MAP4K3: variants seen among roughly 807,000 people sequenced by gnomAD.
MAP4K3 encodes MAPK/ERK kinase kinase kinase 3.
MAP4K3 carries 94 observed loss-of-function variants against 143.5 expected under a neutral mutation model. That is an observed-to-expected ratio of 0.65 (90% CI 0.55 to 0.78). The LOEUF (loss-of-function observed/expected upper bound fraction) is 0.78, where lower values mean the gene tolerates loss of function less well. Among genes scored for constraint, MAP4K3 ranks in the 30% least tolerant of loss-of-function variants. The pLI is 0.00. For synonymous variants in MAP4K3, 416 were observed against 347.2 expected (o/e 1.20, Z -2.20); for missense variants, 1,077 against 1,068.1 (o/e 1.01, Z -0.12).
intron 1 of MAP4K3, among the ~76,000 whole-genome samples, chr2:39,434,686 G>A (rs188463675): frequency 6.6e-6 from 1 of 152,312 alleles, no homozygotes. Flanking sequence ...TCCCTAATTG[G>A]TTCAAATTTT....
At chr2:39,414,864 G>A (rs1667328831) in intron 1 of MAP4K3, among the ~76,000 whole-genome samples, 2 of 150,742 alleles carry the variant, frequency 1.3e-5, no homozygotes, top group Admixed American at 6.6e-5. Flanking sequence ...GCAACACAGT[G>A]AGACTCCAAC....
chr2:39,290,207 G>A (rs752052188), intron 19 of MAP4K3, 85 bp downstream of exon 19: 46 of 941,812 alleles, frequency 4.9e-5, no homozygotes, highest in Non-Finnish European at 6.5e-5. Flanking sequence ...GATCACAAAT[G>A]AAAAGCTAGA....
intron 14 of MAP4K3, 63 bp downstream of exon 14, chr2:39,309,398 T>C (rs1484946529): frequency 1.5e-6 from 2 of 1,301,090 alleles, no homozygotes; most frequent in Non-Finnish European, 2.2e-6. Flanking sequence ...TACTAATACA[T>C]CACACAAAAA....
At chr2:39,308,756 A>T (rs1573128057) in intron 14 of MAP4K3, among the ~76,000 whole-genome samples, 2 of 152,228 alleles carry the variant, frequency 1.3e-5, no homozygotes, top group East Asian at 3.9e-4. Flanking sequence ...TATATAAAAC[A>T]ACAACAAAAG....
chr2:39,353,154 A>C (rs1035477166), intron 3 of MAP4K3, among the ~76,000 whole-genome samples: 2 of 152,242 alleles, frequency 1.3e-5, no homozygotes, highest in East Asian at 3.8e-4. Flanking sequence ...TGGATAGACT[A>C]AGTAAGTCAT....
intron 2 of MAP4K3, among the ~76,000 whole-genome samples, chr2:39,365,825 A>G (rs1190969594): frequency 1.3e-5 from 2 of 152,304 alleles, no homozygotes; most frequent in Non-Finnish European, 2.9e-5. Flanking sequence ...TTCTCATGCC[A>G]TTGTTATGGG....
chr2:39,411,759 T>C (rs1301963271), intron 1 of MAP4K3, among the ~76,000 whole-genome samples: 2 of 152,096 alleles, frequency 1.3e-5, no homozygotes, highest in Non-Finnish European at 2.9e-5. Flanking sequence ...CTGTTAGCAA[T>C]GAAAAAAATG....
intron 15 of MAP4K3, among the ~76,000 whole-genome samples, chr2:39,301,664 G>C (rs1023513973): frequency 3.3e-5 from 5 of 152,120 alleles, no homozygotes; most frequent in Non-Finnish European, 5.9e-5. Flanking sequence ...TATAAGACAA[G>C]TAAAAGGCTG....
intron 1 of MAP4K3, 199 bp downstream of exon 1, chr2:39,436,693 G>A: frequency 1.7e-6 from 1 of 584,340 alleles, no homozygotes; most frequent in Non-Finnish European, 3.0e-6. Flanking sequence ...GCTCAGGTAA[G>A]GGCTGGGGAG....
rs116285005 is a variant in MAP4K3, at chr2:39,405,294, T to G, written c.97-27171A>C. Among the ~76,000 whole-genome samples the G allele has an allele frequency of 3.0e-3, 459 of 152,286 alleles. 3 individuals are homozygous for G. The highest frequency in any genetic ancestry group is 0.011 in the African/African-American group (445 of 41,562). Reference sequence around the variant, plus strand: ...AGAGACTGCCTATGATACAGGGAATTCTTTTGGATCTTATTGAAGACCACC... The same window carrying G: ...AGAGACTGCCTATGATACAGGGAATGCTTTTGGATCTTATTGAAGACCACC... On this transcript the variant is annotated intron_variant, in intron 1 of 33. Coordinates refer to ENST00000263881, the MANE Select transcript of MAP4K3 (RefSeq NM_003618.4).
chr2:39,362,113 T>C (rs964988274), intron 2 of MAP4K3, among the ~76,000 whole-genome samples: 1 of 152,024 alleles, frequency 6.6e-6, no homozygotes, highest in Non-Finnish European at 1.5e-5. Context: ...CTGAAAAAAA[T>C]AAACATGAAG....
chr2:39,282,401 T>G lies in MAP4K3; in HGVS notation c.1629+112A>C. The G allele has an allele frequency of 3.5e-6, 3 of 852,832 alleles. No homozygotes were observed. In the South Asian group the frequency reaches 4.6e-5, roughly 13 times the overall value. 52.8% of individuals were successfully genotyped at this position (852,832 alleles called of 1,614,324 possible). On this transcript the variant is annotated intron_variant, in intron 22 of 33. Coordinates refer to ENST00000263881, the MANE Select transcript of MAP4K3 (RefSeq NM_003618.4). ...TAATTAAATTAGCAATCTTATAGAT[T>G]TTTTTTCAATAATAATGAAAGTTCT... is the stretch of plus-strand genomic sequence containing the variant.
chr2:39,306,444 G>A lies in MAP4K3; in HGVS notation c.1119+1499C>T, dbSNP rs150822120. On this transcript the variant is annotated intron_variant, in intron 15 of 33. Transcript: ENST00000263881. ...TTATTTTGAGACAGTGCATTTACTG[G>A]CTCTCCTAGCTTTTCAACTGCTTCT... Among the ~76,000 whole-genome samples the A allele has an allele frequency of 2.0e-5, 3 of 152,124 alleles. No individual in the cohort carries two copies. In the East Asian group the frequency reaches 5.8e-4, roughly 29 times the overall value.
chr2:39,409,770 C>T (rs1171963823), intron 1 of MAP4K3, among the ~76,000 whole-genome samples: 1 of 152,186 alleles, frequency 6.6e-6, no homozygotes, highest in African/African-American at 2.4e-5. Flanking sequence ...CCATATTCTA[C>T]ATGGAATCTC....
intron 18 of MAP4K3, 74 bp from the exon 19 acceptor site, chr2:39,290,408 TCAAAGACACATAAAAAAGCTG>T: frequency 1.1e-6 from 1 of 940,848 alleles, no homozygotes. Context: ...AATAATTTTT[TCAAAGACACATAAAAAAGCTG>T]CAAAGACAAA....
At chr2:39,369,193 G>GTTTTTTTTTGTTTTTTTTTTTTTT (rs1553419597) in intron 2 of MAP4K3, among the ~76,000 whole-genome samples, 1 of 37,978 alleles carries the variant, frequency 2.6e-5, no homozygotes, top group Admixed American at 4.1e-4. Context: ...CTTTGGGCTA[G>GTTTTTTTTTGTTTTTTTTTTTTTT]TTTTTTTTTT....
intron 22 of MAP4K3, 144 bp from the exon 23 acceptor site, chr2:39,280,500 T>C: frequency 4.7e-6 from 2 of 424,882 alleles, no homozygotes; most frequent in Non-Finnish European, 8.4e-6. Context: ...CAGAAGTAAG[T>C]GTAAGAAATC....
At chr2:39,430,450 C>CA in intron 1 of MAP4K3, among the ~76,000 whole-genome samples, 1 of 150,232 alleles carries the variant, frequency 6.7e-6, no homozygotes, top group South Asian at 2.1e-4. Context: ...TCTTCCAGAA[C>CA]AAAAAAAGAC....
At position 39,272,374 on chromosome 2, in the gene MAP4K3, T is replaced by C. The variant is rs1220066728; in HGVS notation, c.1882A>G (p.Asn628Asp). The C allele has an allele frequency of 1.9e-6, 3 of 1,613,650 alleles. No individual in the cohort carries two copies. The highest frequency in any genetic ancestry group is 2.5e-6 in the Non-Finnish European group (3 of 1,179,762). The change falls in exon 26 of 34, where the codon AAT becomes GAT. Residue 628 changes from asparagine (N) to aspartate (D), a missense_variant. Asn to Asp is a conservative substitution (Grantham distance 23). This residue lies in a region of MAP4K3 where 864 missense variants were observed against 801.2 expected (regional missense o/e 1.08). Coordinates refer to ENST00000263881, the MANE Select transcript of MAP4K3 (RefSeq NM_003618.4). ...SGKASQLYSH[N>D]LPGLFDYARQ... ...GCATAATCAAAAAGCCCTGGTAAAT[T>C]ATGGGAATAAAGCTGAGAAGCTTTA...
Sources: allele counts gnomAD v4.1 joint callset (sites outside exome capture counted in the v4.1 genomes callset), GRCh38; gene constraint gnomAD v4.1.1; regional missense constraint gnomAD v4.1.1; transcripts MANE v1.5; gene names NCBI Gene and HGNC (gene_info 2026-07-23, HGNC 2026-07-21).